The following CCDC146 variants were observed in gnomAD, a reference collection of about 807,000 sequenced individuals.
CCDC146 encodes coiled-coil domain containing 146.
Under a neutral mutation model 119.3 loss-of-function variants are expected in CCDC146, and 92 were observed. That is an observed-to-expected ratio of 0.77 (90% CI 0.65 to 0.92). The LOEUF (loss-of-function observed/expected upper bound fraction) is 0.92, where lower values mean the gene tolerates loss of function less well. CCDC146 is among the 40% of genes least tolerant of loss of function. CCDC146 has a pLI of 0.00. For missense variants in CCDC146, 1,000 were observed against 1,103.0 expected, an observed-to-expected ratio of 0.91 and a Z score of 1.32; for synonymous variants, 372 against 371.8, an observed-to-expected ratio of 1.00 and a Z score of -0.01.
At chr7:77,175,597 G>T (rs1156722426) in intron 2 of CCDC146, among the ~76,000 whole-genome samples, 1 of 151,278 alleles carries the variant, frequency 6.6e-6, no homozygotes, top group African/African-American at 2.5e-5. Flanking sequence ...TACAAAATAT[G>T]TAATAGCAGC....
intron 4 of CCDC146, among the ~76,000 whole-genome samples, chr7:77,249,504 A>AG (rs1248453865): frequency 3.3e-5 from 5 of 151,842 alleles, no homozygotes; most frequent in African/African-American, 1.2e-4. Flanking sequence ...AAAAAAAAAA[A>AG]AAAGAATTCA....
chr7:77,157,866 G>A (rs886546479), intron 1 of CCDC146, among the ~76,000 whole-genome samples: 3 of 152,136 alleles, frequency 2.0e-5, no homozygotes, highest in Admixed American at 1.3e-4. Context: ...TTGTCTTGCT[G>A]CCAGTCTCTG....
intron 1 of CCDC146, among the ~76,000 whole-genome samples, chr7:77,145,052 C>CT (rs1790993886): frequency 6.6e-6 from 1 of 151,572 alleles, no homozygotes; most frequent in Non-Finnish European, 1.5e-5. Context: ...TGGTCCTGGA[C>CT]TTTTTTTGGT....
At position 77,259,978 on chromosome 7, in the gene CCDC146, G is replaced by A. The variant is rs762902684; in HGVS notation, c.759-31G>A. On this transcript the variant is annotated intron_variant, in intron 7 of 18. Transcript: ENST00000285871. ...TGTGTGTGTGTGTGTGTGTGTGTGT[G>A]TGTGTGTGTGTGTGTGTGTATCCCC... 1.6e-5 allele frequency: 11 copies of A among 683,458 alleles called. 1 individual carries two copies. Among genetic ancestry groups the A allele is most frequent in the Non-Finnish European group, 2.7e-5 (11 of 409,336 alleles). 42.3% of individuals were successfully genotyped at this position (683,458 alleles called of 1,614,324 possible).
At chr7:77,132,984 T>C (rs11980946) in intron 1 of CCDC146, among the ~76,000 whole-genome samples, 1,806 of 152,078 alleles carry the variant, frequency 0.012, 27 homozygotes, top group African/African-American at 0.041. Context: ...CCAGTCTGGC[T>C]AACATGGTGA....
At chr7:77,210,656 T>C (rs1049016334) in intron 2 of CCDC146, among the ~76,000 whole-genome samples, 1 of 152,196 alleles carries the variant, frequency 6.6e-6, no homozygotes, top group Admixed American at 6.5e-5. Context: ...ATTAGTCCAT[T>C]CTCACATTGC....
intron 2 of CCDC146, among the ~76,000 whole-genome samples, chr7:77,218,031 A>AATAAGTTTGTTTACACCAACATCG (rs1448221399): frequency 2.0e-5 from 3 of 152,166 alleles, no homozygotes; most frequent in Non-Finnish European, 4.4e-5. Flanking sequence ...CTGTCAGTAT[A>AATAAGTTTGTTTACACCAACATCG]ATAAGTTTGT....
chr7:77,123,901 C>G (rs550847663), intron 1 of CCDC146, among the ~76,000 whole-genome samples: 42 of 152,260 alleles, frequency 2.8e-4, no homozygotes, highest in Admixed American at 3.9e-4. Context: ...TCAGCAAGGG[C>G]CCACTGCAAT....
At chr7:77,294,574 C>T (rs1794012081) in intron 18 of CCDC146, 89 bp from the exon 19 acceptor site, 2 of 1,298,760 alleles carry the variant, frequency 1.5e-6, no homozygotes, top group Non-Finnish European at 2.2e-6. Context: ...CAAAGACTGT[C>T]CAGACCAGCT....
intron 2 of CCDC146, among the ~76,000 whole-genome samples, chr7:77,222,923 A>G (rs529974792): frequency 1.3e-5 from 2 of 152,310 alleles, no homozygotes; most frequent in African/African-American, 2.4e-5. Context: ...CTTCTGGTTA[A>G]TGTTTTGTGA....
intron 1 of CCDC146, among the ~76,000 whole-genome samples, chr7:77,164,409 T>TA (rs956852739): frequency 7.9e-5 from 12 of 152,040 alleles, no homozygotes; most frequent in Middle Eastern, 6.8e-3. Context: ...AATGGTTATT[T>TA]AAAAAAAACA....
chr7:77,208,069 CA>C lies in CCDC146; in HGVS notation c.157-28877del, dbSNP rs540670477. Among the ~76,000 whole-genome samples the C allele has an allele frequency of 2.9e-3, 448 of 152,282 alleles. 1 individual carries two copies. Among genetic ancestry groups the C allele is most frequent in the African/African-American group, 0.01 (435 of 41,560 alleles). On this transcript the variant is annotated intron_variant, in intron 2 of 18. Coordinates refer to ENST00000285871, the MANE Select transcript of CCDC146 (RefSeq NM_020879.3). ...AGATGAATGCATTTCAAGCCAGACC[CA>C]GCCTTGGGCACAGGCAACATGTTTG...
intron 1 of CCDC146, among the ~76,000 whole-genome samples, chr7:77,132,598 A>G (rs1276060313): frequency 1.3e-5 from 2 of 151,526 alleles, no homozygotes; most frequent in Admixed American, 1.3e-4. Flanking sequence ...TCAGCCAGTC[A>G]TGGTGGCACA....
At chr7:77,206,604 G>A (rs1792083725) in intron 2 of CCDC146, among the ~76,000 whole-genome samples, 1 of 150,986 alleles carries the variant, frequency 6.6e-6, no homozygotes, top group South Asian at 2.1e-4. Flanking sequence ...CTGCACTCCA[G>A]CTTGGGTGAC....
chr7:77,163,749 A>G (rs1028152351), intron 1 of CCDC146, among the ~76,000 whole-genome samples: 1 of 152,082 alleles, frequency 6.6e-6, no homozygotes, highest in Non-Finnish European at 1.5e-5. Flanking sequence ...AAAATTGCTC[A>G]TGAATTGATA....
At chr7:77,138,675 C>CA (rs1241890193) in intron 1 of CCDC146, among the ~76,000 whole-genome samples, 2 of 152,076 alleles carry the variant, frequency 1.3e-5, no homozygotes, top group Admixed American at 6.5e-5. Context: ...TCTTAAAATT[C>CA]AAAAACAACA....
At chr7:77,171,405 T>C (rs536809908) in intron 2 of CCDC146, among the ~76,000 whole-genome samples, 16 of 152,274 alleles carry the variant, frequency 1.1e-4, no homozygotes, top group African/African-American at 3.8e-4. Context: ...ATGTTTTCCT[T>C]AAACCAGCCA....
In CCDC146 at chr7:77,196,650, C is replaced by A. The variant is rs1333299622; in HGVS notation, c.156+28826C>A. On this transcript the variant is annotated intron_variant, in intron 2 of 18. Coordinates refer to ENST00000285871, the MANE Select transcript of CCDC146 (RefSeq NM_020879.3). This position sits in a 1 kb window ranked among gnomAD's most constrained non-coding sequence, Gnocchi z 4.2. ...AACTCATTAGCCACATAAAACTGAT[C>A]ATACAAGGCATATAGTTCGACACCA... 5.6e-6 allele frequency: 9 copies of A among 1,613,996 alleles called. No homozygotes were observed. Among genetic ancestry groups the A allele is most frequent in the South Asian group, 1.1e-5 (1 of 91,084 alleles).
Position 77,164,337 on chromosome 7 carries a change from A to G in CCDC146, c.-11-3321A>G, listed in dbSNP as rs1283285447. ...TAGCCAAACCATTTTTAGCTGCTTG[A>G]AGATTTAAGCAATAAACTGTGATTA... On this transcript the variant is annotated intron_variant, in intron 1 of 18. Transcript: ENST00000285871. 3.3e-5 allele frequency among the ~76,000 whole-genome samples: 5 copies of G among 152,192 alleles called. No homozygotes were observed. In the East Asian group the frequency reaches 7.7e-4, roughly 23 times the overall value.
Sources: gnomAD v4.1 joint callset for allele counts (sites outside exome capture counted in the v4.1 genomes callset) on GRCh38, gnomAD v4.1.1 for gene constraint, Gnocchi (gnomAD v3.1) non-coding constraint, MANE v1.5 for transcripts, NCBI Gene and HGNC (gene_info 2026-07-23, HGNC 2026-07-21) for gene names.